The following ATXN2 variants were observed in gnomAD, a reference collection of about 807,000 sequenced individuals.
ATXN2 encodes the protein ataxin 2.
In ATXN2, 37 loss-of-function variants were observed where a neutral mutation model predicts 138.6. The observed-to-expected ratio is 0.27, with a 90% CI of 0.21 to 0.35. ATXN2 has a LOEUF of 0.35. ATXN2 is among the 10% of genes least tolerant of loss of function. The pLI is 1.00. For missense variants in ATXN2, 1,216 were observed against 1,480.3 expected (o/e 0.82, Z 2.93); for synonymous variants, 549 against 543.7 (o/e 1.01, Z -0.13).
Position 111,598,007 on chromosome 12 carries a change from G to C in ATXN2, c.251+777C>G. 3.3e-6 allele frequency: 4 copies of C among 1,196,354 alleles called. No homozygotes were observed. Among genetic ancestry groups the C allele is most frequent in the Non-Finnish European group, 4.2e-6 (4 of 943,098 alleles). The allele number at this position is 1,196,354 out of a possible 1,614,324, so 74.1% of individuals were successfully genotyped here. On this transcript the variant is annotated intron_variant, in intron 1 of 24. Transcript: ENST00000673436. The surrounding 1 kb of genome is among the most constrained non-coding windows in gnomAD (Gnocchi z 4.5). Reference sequence around the variant, plus strand: ...CGCCGGAGAGGTCTGGCGGGGGAAGGAGGAAGGCCGGGACGGGGCCGGGCA... The same window carrying C: ...CGCCGGAGAGGTCTGGCGGGGGAAGCAGGAAGGCCGGGACGGGGCCGGGCA...
chr12:111,531,578 G>C (rs1042644519), intron 5 of ATXN2, among the ~76,000 whole-genome samples: 52 of 122,922 alleles, frequency 4.2e-4, no homozygotes, highest in Non-Finnish European at 5.7e-4. Context: ...TGTATACTAC[G>C]AGCATATACT....
rs1875196939 is a variant in ATXN2 at position 111,457,446 on chromosome 12, G to C, written c.2897-87C>G. 1.0e-5 allele frequency: 15 copies of C among 1,453,110 alleles called. No homozygotes were observed. In the East Asian group the frequency reaches 3.5e-4, roughly 34 times the overall value. 90.0% of individuals were successfully genotyped at this position (1,453,110 alleles called of 1,614,324 possible). ...TACACTTCATCAACTGAACTTTCTT[G>C]ATGGTTACAATGCATAACTCACGCC... On this transcript the variant is annotated intron_variant, in intron 21 of 24. Transcript: ENST00000673436.
intron 1 of ATXN2, among the ~76,000 whole-genome samples, chr12:111,567,466 C>T (rs1198778330): frequency 6.6e-6 from 1 of 151,716 alleles, no homozygotes; most frequent in Non-Finnish European, 1.5e-5. Flanking sequence ...AGCCACTGCA[C>T]TCCAGCCTGG....
intron 18 of ATXN2, among the ~76,000 whole-genome samples, chr12:111,483,361 T>A (rs1163244286): frequency 6.6e-6 from 1 of 151,258 alleles, no homozygotes; most frequent in Non-Finnish European, 1.5e-5. Flanking sequence ...TTCTACTTTC[T>A]ATAGTTTCTC....
intron 5 of ATXN2, among the ~76,000 whole-genome samples, chr12:111,537,361 G>C (rs992287396): frequency 2.0e-5 from 3 of 152,078 alleles, no homozygotes; most frequent in African/African-American, 7.2e-5. Flanking sequence ...GAGGTGGGCA[G>C]ATCACTTGAG....
chr12:111,526,460 A>G (rs1051520952), intron 5 of ATXN2, among the ~76,000 whole-genome samples: 1 of 147,980 alleles, frequency 6.8e-6, no homozygotes, highest in African/African-American at 2.5e-5. Context: ...ACCGGAGTGC[A>G]GTGACACCAT....
intron 14 of ATXN2, among the ~76,000 whole-genome samples, chr12:111,505,537 T>G (rs1879051479): frequency 6.6e-6 from 1 of 152,136 alleles, no homozygotes; most frequent in African/African-American, 2.4e-5. Flanking sequence ...GGGTAAAGAT[T>G]TGAACAGACA....
chr12:111,523,111 T>A (rs1335242806), intron 6 of ATXN2, among the ~76,000 whole-genome samples: 2 of 151,028 alleles, frequency 1.3e-5, no homozygotes, highest in Non-Finnish European at 2.9e-5. Context: ...AAACCCCTTC[T>A]CTACTAAAAA....
At chr12:111,576,961 AAAAT>A (rs1044773180) in intron 1 of ATXN2, among the ~76,000 whole-genome samples, 31 of 151,682 alleles carry the variant, frequency 2.0e-4, no homozygotes, top group African/African-American at 6.5e-4. Context: ...CCGTCTCCAA[AAAAT>A]AAATAAATAA....
chr12:111,508,151 TCAA>T (rs1350358619), intron 14 of ATXN2, among the ~76,000 whole-genome samples: 1 of 140,046 alleles, frequency 7.1e-6, no homozygotes, highest in African/African-American at 3.0e-5. Context: ...CCAAGAATGA[TCAA>T]TTAAAAAAAA....
chr12:111,502,989 T>A (rs1413051980), intron 14 of ATXN2, among the ~76,000 whole-genome samples: 1 of 152,188 alleles, frequency 6.6e-6, no homozygotes, highest in Non-Finnish European at 1.5e-5. Flanking sequence ...GTTACGCACA[T>A]GATGTATAGA....
rs569091911 is a variant in ATXN2, at chr12:111,593,255, G to A, written c.251+5529C>T. Among the ~76,000 whole-genome samples, 13 of 151,818 alleles carry A rather than the reference G, an allele frequency of 8.6e-5. 1 individual carries two copies. The South Asian group carries it at 2.1e-3, about 24-fold the overall frequency. On this transcript the variant is annotated intron_variant, in intron 1 of 24. Transcript: ENST00000673436. ...ATTACAGGCGCCCACCACCATGCCC[G>A]GCTAATTTTTGTATTTTTAGTAGAG...
chr12:111,551,879 TTTTC>T (rs1374977094), intron 5 of ATXN2, among the ~76,000 whole-genome samples: 4 of 152,010 alleles, frequency 2.6e-5, no homozygotes, highest in East Asian at 1.9e-4. Flanking sequence ...GATATTTCTT[TTTTC>T]TTTCTTTTTT....
chr12:111,560,148 G>A (rs948570211), intron 1 of ATXN2, among the ~76,000 whole-genome samples: 12 of 152,126 alleles, frequency 7.9e-5, no homozygotes, highest in African/African-American at 2.4e-4. Context: ...AAAGCTCCAC[G>A]GAAAACAATG....
intron 1 of ATXN2, chr12:111,581,375 C>T (rs993259006): frequency 3.1e-6 from 2 of 653,572 alleles, no homozygotes; most frequent in Non-Finnish European, 5.8e-6. Flanking sequence ...CTTCCCTGGA[C>T]ACCATGAACC....
chr12:111,576,633 C>CG (rs1883665167), intron 1 of ATXN2, among the ~76,000 whole-genome samples: 1 of 151,760 alleles, frequency 6.6e-6, no homozygotes, highest in Non-Finnish European at 1.5e-5. Context: ...GTAGATGAGC[C>CG]ACGCACAAAT....
intron 5 of ATXN2, among the ~76,000 whole-genome samples, chr12:111,529,610 G>A (rs71463997): frequency 1.1e-4 from 16 of 152,232 alleles, no homozygotes; most frequent in East Asian, 3.9e-4. Flanking sequence ...ATTTTGGGCC[G>A]GTGATGCCAC....
chr12:111,485,481 G>T, intron 17 of ATXN2, 150 bp from the exon 18 acceptor site: 2 of 966,758 alleles, frequency 2.1e-6, no homozygotes, highest in Non-Finnish European at 1.5e-6. Flanking sequence ...CATACCCACA[G>T]CTAAAAGGAA....
At chr12:111,575,018 A>C (rs1334628310) in intron 1 of ATXN2, among the ~76,000 whole-genome samples, 3 of 152,140 alleles carry the variant, frequency 2.0e-5, no homozygotes, top group Non-Finnish European at 4.4e-5. Flanking sequence ...TAATCACATG[A>C]GATTATGTAT....
Sources: gnomAD v4.1 joint callset for allele counts (sites outside exome capture counted in the v4.1 genomes callset) on GRCh38, gnomAD v4.1.1 for gene constraint, Gnocchi (gnomAD v3.1) non-coding constraint, MANE v1.5 for transcripts, NCBI Gene and HGNC (gene_info 2026-07-23, HGNC 2026-07-21) for gene names.